CDKL4: variants seen among roughly 807,000 people sequenced by gnomAD.
CDKL4 encodes the protein cyclin-dependent kinase-like 4.
A neutral mutation model predicts 42.0 loss-of-function variants in CDKL4; 44 were observed. The observed-to-expected ratio is 1.05, with a 90% CI of 0.82 to 1.35. CDKL4 has a LOEUF of 1.35. CDKL4 is among the 40% of genes most tolerant of loss of function. The pLI is 0.00. For synonymous variants in CDKL4, 120 were observed against 121.6 expected (o/e 0.99, Z 0.09); for missense variants, 393 against 369.9 (o/e 1.06, Z -0.51).
exon 9 of CDKL4, chr2:39,179,228 T>C (rs1372113633): frequency 6.2e-7 from 1 of 1,613,434 alleles, no homozygotes; most frequent in Non-Finnish European, 8.5e-7. Flanking sequence ...CGTGCTTTTC[T>C]TTTAATTTGG....
At chr2:39,169,907 G>A in the CDKL4 span, among the ~76,000 whole-genome samples, 8 of 152,142 alleles carry the variant, frequency 5.3e-5, no homozygotes, top group African/African-American at 1.4e-4. Flanking sequence ...AAGTAAACCC[G>A]TCACCCAGGT....
At chr2:39,215,553 C>T (rs970345489) in intron 3 of CDKL4, among the ~76,000 whole-genome samples, 3 of 152,100 alleles carry the variant, frequency 2.0e-5, no homozygotes, top group Admixed American at 1.3e-4. Context: ...TTATGTAATA[C>T]CCCAAACATA....
downstream of CDKL4, among the ~76,000 whole-genome samples, chr2:39,174,967 C>T (rs536154331): frequency 4.6e-5 from 7 of 152,068 alleles, no homozygotes; most frequent in East Asian, 5.8e-4. Context: ...TATGTATATA[C>T]GTATGTATGT....
At chr2:39,193,449 C>A (rs1558553737) in intron 5 of CDKL4, among the ~76,000 whole-genome samples, 1 of 151,630 alleles carries the variant, frequency 6.6e-6, no homozygotes, top group Non-Finnish European at 1.5e-5. Context: ...AATCTCGGCT[C>A]ACCGCAACCT....
chr2:39,243,671 C>T (rs1679775597), intron 1 of CDKL4, among the ~76,000 whole-genome samples, 200 bp downstream of exon 1: 1 of 152,212 alleles, frequency 6.6e-6, no homozygotes, highest in South Asian at 2.1e-4. Flanking sequence ...CCCGAGGGAC[C>T]CTCACCGGGT....
At chr2:39,171,413 T>C (rs972176645), downstream of CDKL4, among the ~76,000 whole-genome samples, 2 of 152,124 alleles carry the variant, frequency 1.3e-5, no homozygotes, top group Non-Finnish European at 2.9e-5. Context: ...ATCTCCCTAA[T>C]CCCAAGGATT....
upstream of CDKL4, among the ~76,000 whole-genome samples, chr2:39,244,872 A>G (rs1438516511): frequency 6.6e-6 from 1 of 152,076 alleles, no homozygotes; most frequent in South Asian, 2.1e-4. Flanking sequence ...GGGTTTGTGA[A>G]TGCACCAGTC....
At chr2:39,210,529 T>A (rs1028894394) in intron 4 of CDKL4, among the ~76,000 whole-genome samples, 1 of 152,168 alleles carries the variant, frequency 6.6e-6, no homozygotes, top group African/African-American at 2.4e-5. Flanking sequence ...TCAATAAATA[T>A]TTATTGATCA....
intron 5 of CDKL4, among the ~76,000 whole-genome samples, chr2:39,190,832 T>C (rs1411528935): frequency 1.3e-5 from 2 of 152,150 alleles, no homozygotes; most frequent in Non-Finnish European, 2.9e-5. Context: ...AGCATGGTGG[T>C]TGTTGTGCAC....
chr2:39,219,037 G>A (rs1349807444), intron 3 of CDKL4, among the ~76,000 whole-genome samples: 1 of 152,046 alleles, frequency 6.6e-6, no homozygotes, highest in Non-Finnish European at 1.5e-5. Flanking sequence ...TTTATTGTTG[G>A]ACTACATCAG....
chr2:39,209,081 G>C (rs150028446), intron 4 of CDKL4, among the ~76,000 whole-genome samples: 1 of 150,094 alleles, frequency 6.7e-6, no homozygotes, highest in African/African-American at 2.5e-5. Context: ...TGGGAGAATC[G>C]CTTGAGGTCA....
intron 9 of CDKL4, among the ~76,000 whole-genome samples, chr2:39,176,871 T>C (rs559909051): frequency 6.6e-6 from 1 of 152,314 alleles, no homozygotes; most frequent in East Asian, 1.9e-4. Context: ...TTTTCTGACA[T>C]GGTAAAATAT....
At chr2:39,173,362 C>T (rs7563373), downstream of CDKL4, among the ~76,000 whole-genome samples, 111,672 of 152,086 alleles carry the variant, frequency 0.73, 45,463 homozygotes, top group Non-Finnish European at 0.91. Flanking sequence ...TCTTTGCACC[C>T]GTGGTATCGT....
intron 5 of CDKL4, among the ~76,000 whole-genome samples, chr2:39,192,304 C>T (rs1027352872): frequency 1.3e-5 from 2 of 152,090 alleles, no homozygotes; most frequent in Non-Finnish European, 2.9e-5. Context: ...CCCAAAGGTA[C>T]TTTGTGTTAA....
intron 1 of CDKL4, among the ~76,000 whole-genome samples, chr2:39,241,958 G>A (rs1218786610): frequency 6.6e-6 from 1 of 151,978 alleles, no homozygotes; most frequent in African/African-American, 2.4e-5. Context: ...TACAGTACTT[G>A]GACAAGAAAT....
chr2:39,180,686 C>CTTTT (rs1167370938), intron 8 of CDKL4, among the ~76,000 whole-genome samples: 5 of 121,066 alleles, frequency 4.1e-5, no homozygotes, highest in African/African-American at 1.0e-4. Context: ...GAGAGAAAGA[C>CTTTT]TTTTTTTTTT....
rs184412759 is a variant in CDKL4, at chr2:39,241,587, G to C, written c.-57+2284C>G. Among the ~76,000 whole-genome samples, 218 of 152,268 alleles carry C rather than the reference G, an allele frequency of 1.4e-3. 1 individual carries two copies. Among genetic ancestry groups the C allele is most frequent in the African/African-American group, 4.9e-3 (205 of 41,554 alleles). Reference sequence around the variant, plus strand: ...GCCGTGGCCCCAATTTACCTTGCCAGCATCACTTCTCAGATTCTTCCCCAA... The same window carrying C: ...GCCGTGGCCCCAATTTACCTTGCCACCATCACTTCTCAGATTCTTCCCCAA... On this transcript the variant is annotated intron_variant, in intron 1 of 9. Coordinates refer to ENST00000451199, the Ensembl canonical transcript of CDKL4.
chr2:39,192,530 TA>T (rs200118984), intron 5 of CDKL4, among the ~76,000 whole-genome samples: 5 of 52,454 alleles, frequency 9.5e-5, no homozygotes, highest in South Asian at 6.9e-4. Flanking sequence ...CTGGTTAATT[TA>T]AAAAAAAATT....
At chr2:39,197,256 A>T (rs1331041862) in intron 5 of CDKL4, among the ~76,000 whole-genome samples, 1 of 152,220 alleles carries the variant, frequency 6.6e-6, no homozygotes, top group African/African-American at 2.4e-5. Context: ...CAGACTTTCA[A>T]ATTAACCCAA....
Sources: gnomAD v4.1 joint callset for allele counts (sites outside exome capture counted in the v4.1 genomes callset) on GRCh38, gnomAD v4.1.1 for gene constraint, MANE v1.5 for transcripts, NCBI Gene and HGNC (gene_info 2026-07-23, HGNC 2026-07-21) for gene names.